The following CARMIL2 variants were observed in gnomAD, a reference collection of about 807,000 sequenced individuals.
CARMIL2 encodes capping protein, Arp2/3 and myosin-I linker protein 2.
In CARMIL2, 96 loss-of-function variants were observed where a neutral mutation model predicts 173.3. The observed-to-expected ratio is 0.55, with a 90% CI of 0.47 to 0.66. The LOEUF (loss-of-function observed/expected upper bound fraction) is 0.66. Among genes scored for constraint, CARMIL2 ranks in the 30% least tolerant of loss-of-function variants. CARMIL2 has a pLI of 0.00. For synonymous variants in CARMIL2, 830 were observed against 817.1 expected (o/e 1.02, Z -0.27); for missense variants, 1,771 against 1,906.7 (o/e 0.93, Z 1.33).
rs987082146 is a variant in CARMIL2, at chr16:67,653,771, G to T, written c.3121-378G>T. ...GGCGCCACTGAGCCGGCAGCAGGCC[G>T]GGTGGAGTGGGGGTGGGGTGGGGGA... is the stretch of plus-strand genomic sequence containing the variant. On this transcript the variant is annotated intron_variant, in intron 29 of 37. Coordinates refer to ENST00000334583, the MANE Select transcript of CARMIL2 (RefSeq NM_001013838.3). The surrounding 1 kb of genome is among the most constrained non-coding windows in gnomAD (Gnocchi z 7.4). Among the ~76,000 whole-genome samples, 1 of 152,104 alleles carries T rather than the reference G, an allele frequency of 6.6e-6. No individual in the cohort carries two copies.
Position 67,648,309 on chromosome 16 carries a change from C to T in CARMIL2, c.1329C>T (p.Ser443=), listed in dbSNP as rs945094866. 10 of 1,588,910 alleles carry T rather than the reference C, an allele frequency of 6.3e-6. No individual in the cohort carries two copies. The Admixed American group carries it at 8.5e-5, about 14-fold the overall frequency. ...TCGACGCTTCGAGGAACGTCTTCTC[C>T]CGCACGTAAGGGGGACCTGTCGGGG... The part of the protein sequence containing the change: ...THLDASRNVF[S]RTKSRAAPAA... The change falls in exon 14 of 38, where the codon TCC becomes TCT. Residue 443 remains serine, a synonymous_variant. Coordinates refer to ENST00000334583, the MANE Select transcript of CARMIL2 (RefSeq NM_001013838.3). The surrounding 1 kb of genome is among the most constrained non-coding windows in gnomAD (Gnocchi z 6.1).
In CARMIL2 at chr16:67,649,127, C is replaced by A. The variant is rs2052663803; in HGVS notation, c.1643C>A (p.Ser548Tyr). The A allele has an allele frequency of 6.2e-7, 1 of 1,613,594 alleles. No individual in the cohort carries two copies. Among genetic ancestry groups the A allele is most frequent in the African/African-American group, 1.3e-5 (1 of 75,048 alleles). Residue 548 changes from serine to tyrosine, a missense_variant, in exon 18 of 38, where the codon TCC becomes TAC. Around this residue, in one of 3 missense-constraint regions of CARMIL2, gnomAD observed 944 missense variants for 975.6 expected, o/e 0.97. Transcript: ENST00000334583. This position sits in a 1 kb window ranked among gnomAD's most constrained non-coding sequence, Gnocchi z 6.7. Reference protein sequence around the residue: ...TLVLAIGRSRSLRHVALGRNF... With the variant: ...TLVLAIGRSRYLRHVALGRNF... The stretch of plus-strand genomic sequence containing the variant: ...GTGCTGGCCATCGGGAGAAGCCGGT[C>A]CCTGAGACATGTGGCGCTTGGAAGG...
chr16:67,647,862 C>A lies in CARMIL2; in HGVS notation c.975C>A (p.Gly325=), dbSNP rs769313219. The A allele has an allele frequency of 1.2e-6, 2 of 1,609,632 alleles. No individual in the cohort carries two copies. Among genetic ancestry groups the A allele is most frequent in the South Asian group, 1.1e-5 (1 of 90,440 alleles). ...GLTPRGMRAL[G]RALATNAAFD... ...CACCACCAGGAATGAGGGCTCTGGG[C>A]CGGGCACTGGCCACCAATGCCGCCT... The change falls in exon 13 of 38, where the codon GGC becomes GGA. Residue 325 remains glycine (G), a synonymous_variant. Transcript: ENST00000334583.
chr16:67,656,111 G>A (rs763278094), intron 33 of CARMIL2, 44 bp downstream of exon 33: 7 of 1,610,776 alleles, frequency 4.3e-6, no homozygotes, highest in South Asian at 2.2e-5. Flanking sequence ...GCCAGGAGGT[G>A]TCCTTATAGA....
Position 67,651,883 on chromosome 16 carries a change from A to C in CARMIL2, c.2588+38A>C. On this transcript the variant is annotated intron_variant, in intron 25 of 37. Transcript: ENST00000334583. This position sits in a 1 kb window ranked among gnomAD's most constrained non-coding sequence, Gnocchi z 4.2. Reference sequence around the variant, plus strand: ...GGGCTGGGCTGGGCAAGGCTGAGCAAAGCCAGCCCATTAACCCCTGTCCTC... The same window carrying C: ...GGGCTGGGCTGGGCAAGGCTGAGCACAGCCAGCCCATTAACCCCTGTCCTC... The C allele has an allele frequency of 6.2e-7, 1 of 1,612,752 alleles. No homozygotes were observed. Among genetic ancestry groups the C allele is most frequent in the Non-Finnish European group, 8.5e-7 (1 of 1,179,448 alleles).
chr16:67,651,566 C>T lies in CARMIL2; in HGVS notation c.2427+52C>T. The T allele has an allele frequency of 3.2e-6, 5 of 1,562,752 alleles. No individual in the cohort carries two copies. Among genetic ancestry groups the T allele is most frequent in the East Asian group, 2.4e-5 (1 of 42,368 alleles). On this transcript the variant is annotated intron_variant, in intron 24 of 37. Transcript: ENST00000334583. The surrounding 1 kb of genome is among the most constrained non-coding windows in gnomAD (Gnocchi z 4.2). The stretch of plus-strand genomic sequence containing the variant: ...CACCTCCGTTTGCAGGTTTGACTCC[C>T]ATCCTTTAGTTTTAACTGTGATATC...
chr16:67,646,867 C>T lies in CARMIL2; in HGVS notation c.538-33C>T. 1 of 1,613,612 alleles carries T rather than the reference C, an allele frequency of 6.2e-7. No homozygotes were observed. The highest frequency in any genetic ancestry group is 8.5e-7 in the Non-Finnish European group (1 of 1,179,658). On this transcript the variant is annotated intron_variant, in intron 7 of 37. Transcript: ENST00000334583. The surrounding 1 kb of genome is among the most constrained non-coding windows in gnomAD (Gnocchi z 4.6). ...AGCCCCTCCCTGCCCCTTGTGGCCC[C>T]AGGCGAACTGTAAGCATCTCCTTCT...
Position 67,651,510 on chromosome 16 carries a change from T to C in CARMIL2, c.2423T>C (p.Ile808Thr). Residue 808 changes from isoleucine to threonine, a missense_variant, in exon 24 of 38, where the codon ATC becomes ACC. This residue lies in a region of CARMIL2 where 817 missense variants were observed against 903.5 expected (regional missense o/e 0.90). Coordinates refer to ENST00000334583, the MANE Select transcript of CARMIL2 (RefSeq NM_001013838.3). This position sits in a 1 kb window ranked among gnomAD's most constrained non-coding sequence, Gnocchi z 4.2. Reference sequence around the variant, plus strand: ...GTGGGCGAGGTCTGCCGCCAGGACATCCAGGTGAGAGGGTACTCCTGCCCC... The same window carrying C: ...GTGGGCGAGGTCTGCCGCCAGGACACCCAGGTGAGAGGGTACTCCTGCCCC... The part of the protein sequence containing the change: ...RQVGEVCRQD[I>T]QDFTQATLDT... 1 of 1,586,352 alleles carries C rather than the reference T, an allele frequency of 6.3e-7. No individual in the cohort carries two copies. Among genetic ancestry groups the C allele is most frequent in the Non-Finnish European group, 8.6e-7 (1 of 1,166,112 alleles).
Position 67,657,131 on chromosome 16 carries a change from A to AGT in CARMIL2, c.4118-100_4118-99dup. 1 of 988,524 alleles carries AGT rather than the reference A, an allele frequency of 1.0e-6. No homozygotes were observed. Among genetic ancestry groups the AGT allele is most frequent in the Non-Finnish European group, 1.6e-6 (1 of 645,096 alleles). The allele number at this position is 988,524 out of a possible 1,614,324, so 61.2% of individuals were successfully genotyped here. On this transcript the variant is annotated intron_variant, in intron 36 of 37. Transcript: ENST00000334583. This position sits in a 1 kb window ranked among gnomAD's most constrained non-coding sequence, Gnocchi z 4.5. ...GGACGGGGGATGCTCTGAAGGCAGC[A>AGT]GTGTGTGTGAGTGCATGCTTATGTG...
Position 67,654,811 on chromosome 16 carries a change from G to A in CARMIL2, c.3616G>A (p.Ala1206Thr), listed in dbSNP as rs2052810276. 1.9e-6 allele frequency: 3 copies of A among 1,613,470 alleles called. No homozygotes were observed. Among genetic ancestry groups the A allele is most frequent in the Middle Eastern group, 1.6e-4 (1 of 6,084 alleles). ...CCTGGAGCGGGGAGAAACAGAACTG[G>A]CTCCATCCTTTGAACAGCGGGTACA... ...RPLERGETEL[A>T]PSFEQRVQVM... is the part of the protein sequence containing the mutation. The change falls in exon 32 of 38, where the codon GCT becomes ACT. Residue 1206 changes from alanine to threonine, a missense_variant. Transcript: ENST00000334583.
At position 67,651,575 on chromosome 16, in the gene CARMIL2, G is replaced by C; in HGVS notation, c.2427+61G>C. Reference sequence around the variant, plus strand: ...TTGCAGGTTTGACTCCCATCCTTTAGTTTTAACTGTGATATCCCCTGACTC... The same window carrying C: ...TTGCAGGTTTGACTCCCATCCTTTACTTTTAACTGTGATATCCCCTGACTC... On this transcript the variant is annotated intron_variant, in intron 24 of 37. Coordinates refer to ENST00000334583, the MANE Select transcript of CARMIL2 (RefSeq NM_001013838.3). This position sits in a 1 kb window ranked among gnomAD's most constrained non-coding sequence, Gnocchi z 4.2. The C allele has an allele frequency of 6.4e-7, 1 of 1,564,108 alleles. No individual in the cohort carries two copies. The highest frequency in any genetic ancestry group is 8.7e-7 in the Non-Finnish European group (1 of 1,154,438).
chr16:67,647,251 G>C lies in CARMIL2; in HGVS notation c.688-48G>C, dbSNP rs776419497. The C allele has an allele frequency of 8.7e-6, 14 of 1,610,488 alleles. No individual in the cohort carries two copies. The South Asian group carries it at 1.5e-4, about 18-fold the overall frequency. ...AAGGGTGTGGGCCAGGGTGCAGCCC[G>C]CTGAGGGCCAGGGTGCAGCCCGTGA... is the stretch of plus-strand genomic sequence containing the variant. On this transcript the variant is annotated intron_variant, in intron 9 of 37. Transcript: ENST00000334583.
At position 67,656,605 on chromosome 16, in the gene CARMIL2, G is replaced by A. The variant is rs1221340102; in HGVS notation, c.3996G>A (p.Leu1332=). 6.2e-7 allele frequency: 1 copy of A among 1,607,388 alleles called. No homozygotes were observed. The highest frequency in any genetic ancestry group is 1.3e-5 in the African/African-American group (1 of 74,726). Residue 1332 remains leucine, a synonymous_variant, in exon 35 of 38, where the codon CTG becomes CTA. Transcript: ENST00000334583. ...GAACCAGCCCCTCCCCAGACAGCCT[G>A]GGCCTCCCAGAGGACCCTTGCTTGG... The part of the protein sequence containing the change: ...PCRTSPSPDS[L]GLPEDPCLGP...
At position 67,650,146 on chromosome 16, in the gene CARMIL2, A is replaced by T. The variant is rs375592346; in HGVS notation, c.2180A>T (p.Glu727Val). 4.3e-6 allele frequency: 7 copies of T among 1,610,766 alleles called. No individual in the cohort carries two copies. The highest frequency in any genetic ancestry group is 5.9e-6 in the Non-Finnish European group (7 of 1,178,990). ...QPLGLVSDPS[E>V]QEVNELCQSV... Reference sequence around the variant, plus strand: ...CTTGGTCTGGTCTCAGACCCCTCAGAGCAGGTCAATGTCCCCTCCCCAACC... The same window carrying T: ...CTTGGTCTGGTCTCAGACCCCTCAGTGCAGGTCAATGTCCCCTCCCCAACC... The change falls in exon 22 of 38, where the codon GAG becomes GTG. Residue 727 changes from glutamate (E) to valine (V), a missense_variant. By Grantham distance (121) the Glu-to-Val change is moderately radical (BLOSUM62 -2). Around this residue, in one of 3 missense-constraint regions of CARMIL2, gnomAD observed 944 missense variants for 975.6 expected, o/e 0.97. Transcript: ENST00000334583.
Position 67,648,406 on chromosome 16 carries a change from G to T in CARMIL2, c.1343G>T (p.Arg448Leu). The stretch of plus-strand genomic sequence containing the variant: ...CTTCCCACTTCCCCCAGGAAGTCCC[G>T]CGCCGCGCCGGCCGCGCTGCAGCTC... ...SRNVFSRTKS[R>L]AAPAALQLFL... is the part of the protein sequence containing the mutation. Residue 448 changes from arginine to leucine, a missense_variant, in exon 15 of 38, where the codon CGC (arginine) becomes CTC (leucine). Arg to Leu is a moderately radical substitution (Grantham distance 102). Transcript: ENST00000334583. The surrounding 1 kb of genome is among the most constrained non-coding windows in gnomAD (Gnocchi z 6.1). 1 of 1,526,430 alleles carries T rather than the reference G, an allele frequency of 6.6e-7. No individual in the cohort carries two copies. Among genetic ancestry groups the T allele is most frequent in the Non-Finnish European group, 8.7e-7 (1 of 1,143,112 alleles). The allele number at this position is 1,526,430 out of a possible 1,614,324, so 94.6% of individuals were successfully genotyped here.
intron 10 of CARMIL2, 42 bp from the exon 11 acceptor site, chr16:67,647,466 C>T (rs1302832641): frequency 2.6e-6 from 4 of 1,565,530 alleles, no homozygotes; most frequent in Non-Finnish European, 3.5e-6. Flanking sequence ...GAGGGGTTGG[C>T]AAACCAGGGG....
chr16:67,648,512 G>C lies in CARMIL2; in HGVS notation c.1439+10G>C. ...CGCCCGACGCGCTCAGGTCAGTGTC[G>C]GACCCCGGCCACGCCCCCGCGGGCG... On this transcript the variant is annotated intron_variant, in intron 15 of 37. Coordinates refer to ENST00000334583, the MANE Select transcript of CARMIL2 (RefSeq NM_001013838.3). The surrounding 1 kb of genome is among the most constrained non-coding windows in gnomAD (Gnocchi z 6.1). The C allele has an allele frequency of 6.8e-7, 1 of 1,465,360 alleles. No homozygotes were observed. Among genetic ancestry groups the C allele is most frequent in the Non-Finnish European group, 9.0e-7 (1 of 1,107,874 alleles). The allele number at this position is 1,465,360 out of a possible 1,614,324, so 90.8% of individuals were successfully genotyped here.
At chr16:67,655,437 GAAA>G (rs1480128164) in intron 32 of CARMIL2, among the ~76,000 whole-genome samples, 1 of 152,086 alleles carries the variant, frequency 6.6e-6, no homozygotes, top group Admixed American at 6.5e-5. Context: ...CTCAAAAAAA[GAAA>G]AAGAAAAAAA....
At position 67,651,451 on chromosome 16, in the gene CARMIL2, G is replaced by A; in HGVS notation, c.2364G>A (p.Gln788=). 1 of 1,598,648 alleles carries A rather than the reference G, an allele frequency of 6.3e-7. No individual in the cohort carries two copies. ...GAAGCTCCCCAAGCCATCACTGGCA[G>A]CTTGGGCAGAAGCTGGAGGGCCTTC... ...EAGSSPSHHW[Q]LGQKLEGLLR... is the part of the protein sequence containing the mutation. Residue 788 remains glutamine (Q), a synonymous_variant, in exon 24 of 38, where the codon CAG becomes CAA. Coordinates refer to ENST00000334583, the MANE Select transcript of CARMIL2 (RefSeq NM_001013838.3). The surrounding 1 kb of genome is among the most constrained non-coding windows in gnomAD (Gnocchi z 4.2).
Sources: gnomAD v4.1 joint callset for allele counts (sites outside exome capture counted in the v4.1 genomes callset) on GRCh38, gnomAD v4.1.1 for gene constraint, gnomAD v4.1.1 regional missense constraint, Gnocchi (gnomAD v3.1) non-coding constraint, MANE v1.5 for transcripts, NCBI Gene and HGNC (gene_info 2026-07-23, HGNC 2026-07-21) for gene names.